Variants in TRAK1 observed in about 807,000 individuals in gnomAD.
TRAK1 encodes the protein trafficking kinesin protein 1.
Under a neutral mutation model 92.1 loss-of-function variants are expected in TRAK1, and 33 were observed. That is an observed-to-expected ratio of 0.36 (90% CI 0.27 to 0.48). TRAK1 has a LOEUF of 0.48. Among genes scored for constraint, TRAK1 ranks in the 20% least tolerant of loss-of-function variants. The probability of loss-of-function intolerance (pLI) is 0.99; values close to 1 mark genes in which losing one functional copy is unlikely to be tolerated. For synonymous variants in TRAK1, 521 were observed against 517.3 expected (o/e 1.01, Z -0.10); for missense variants, 1,123 against 1,257.9 (o/e 0.89, Z 1.62).
At chr3:42,091,356 C>A, upstream of TRAK1, 1 of 919,638 alleles carries the variant, frequency 1.1e-6, no homozygotes, top group Non-Finnish European at 1.7e-6. Context: ...CAAGCAAACT[C>A]AGAAAACTGC....
chr3:42,060,973 A>T (rs1311577996), intron 1 of TRAK1, among the ~76,000 whole-genome samples: 1 of 151,518 alleles, frequency 6.6e-6, no homozygotes, highest in Non-Finnish European at 1.5e-5. Flanking sequence ...TTTTTTGGGG[A>T]TCTCATCAGG....
At chr3:42,217,083 TTCTC>T (rs1178020508) in intron 14 of TRAK1, among the ~76,000 whole-genome samples, 21 of 151,102 alleles carry the variant, frequency 1.4e-4, no homozygotes, top group East Asian at 3.9e-4. Context: ...TGTTTTATGT[TTCTC>T]TCTCTCTCTC....
At chr3:42,144,570 G>C (rs1327128404) in intron 2 of TRAK1, among the ~76,000 whole-genome samples, 1 of 152,084 alleles carries the variant, frequency 6.6e-6, no homozygotes, top group Non-Finnish European at 1.5e-5. Context: ...AATGGGGTAG[G>C]AATAAAATGT....
At chr3:42,204,686 G>A (rs1198709707) in intron 13 of TRAK1, among the ~76,000 whole-genome samples, 15 of 152,126 alleles carry the variant, frequency 9.9e-5, no homozygotes. Context: ...CTGGGCTCAA[G>A]CAATCCTCCC....
intron 10 of TRAK1, among the ~76,000 whole-genome samples, chr3:42,196,838 G>A (rs1420900402): frequency 4.0e-5 from 6 of 151,534 alleles, no homozygotes; most frequent in Admixed American, 2.0e-4. Context: ...ATGAGCCGCC[G>A]CGCCTGGCCC....
In TRAK1 at chr3:42,016,329, C is replaced by T. The variant is rs144436316; in HGVS notation, c.-519+2212C>T. Among the ~76,000 whole-genome samples the T allele has an allele frequency of 4.9e-3, 752 of 152,212 alleles. 7 individuals carry two copies. Among genetic ancestry groups the T allele is most frequent in the African/African-American group, 0.017 (698 of 41,526 alleles). The stretch of plus-strand genomic sequence containing the variant: ...AAGTGATTCTTTGGCCTCAGCCTCC[C>T]GAGTAGCTGGGATTGCAGGCACCTG... On this transcript the variant is annotated intron_variant, in intron 1 of 16. Coordinates refer to the TRAK1 transcript ENST00000487159.
At chr3:42,170,845 A>G (rs1702451785) in intron 2 of TRAK1, among the ~76,000 whole-genome samples, 1 of 147,492 alleles carries the variant, frequency 6.8e-6, no homozygotes. Context: ...TTTTTTTGAG[A>G]CAGAGTCTTG....
intron 6 of TRAK1, 90 bp downstream of exon 6, chr3:42,189,214 C>T (rs1335346002): frequency 3.2e-6 from 3 of 949,236 alleles, no homozygotes. Context: ...TAAGTGCCCT[C>T]CTCAAAGCTG....
intron 1 of TRAK1, among the ~76,000 whole-genome samples, chr3:42,104,561 G>A (rs1348728800): frequency 1.3e-5 from 2 of 152,178 alleles, no homozygotes; most frequent in Admixed American, 6.5e-5. Context: ...TGCAGCCTCC[G>A]CTGGTGATAC....
At chr3:42,079,126 A>G (rs906522166) in intron 1 of TRAK1, among the ~76,000 whole-genome samples, 1 of 152,224 alleles carries the variant, frequency 6.6e-6, no homozygotes, top group African/African-American at 2.4e-5. Flanking sequence ...GATTTCCAAT[A>G]TATGGAACTG....
Position 42,103,660 on chromosome 3 carries a change from C to T in TRAK1, c.91+12100C>T, listed in dbSNP as rs183804124. Among the ~76,000 whole-genome samples the T allele has an allele frequency of 2.0e-3, 305 of 152,232 alleles. 1 individual carries two copies. Among genetic ancestry groups the T allele is most frequent in the Non-Finnish European group, 3.5e-3 (238 of 68,012 alleles). Reference sequence around the variant, plus strand: ...TCTGTGATCCCAGCACTTTGGGAGGCTGAAGTGGGAGGATCACTTGAGCTC... The same window carrying T: ...TCTGTGATCCCAGCACTTTGGGAGGTTGAAGTGGGAGGATCACTTGAGCTC... On this transcript the variant is annotated intron_variant, in intron 1 of 15. Transcript: ENST00000327628.
chr3:42,035,889 C>T (rs12106818), intron 1 of TRAK1, among the ~76,000 whole-genome samples: 61 of 152,314 alleles, frequency 4.0e-4, no homozygotes, highest in African/African-American at 1.4e-3. Flanking sequence ...GAACTCTGCC[C>T]ACCCCCAAAC....
chr3:42,134,815 G>A (rs1457101560), intron 2 of TRAK1, among the ~76,000 whole-genome samples: 2 of 151,590 alleles, frequency 1.3e-5, no homozygotes, highest in Non-Finnish European at 2.9e-5. Context: ...TCCTGACCTC[G>A]TGATCCACCC....
At chr3:42,185,719 T>C (rs894547300) in intron 4 of TRAK1, among the ~76,000 whole-genome samples, 1 of 149,218 alleles carries the variant, frequency 6.7e-6, no homozygotes, top group African/African-American at 2.5e-5. Context: ...TCATTCAGGC[T>C]GGAGTGCAGT....
intron 1 of TRAK1, among the ~76,000 whole-genome samples, chr3:42,053,375 T>TGGGGGGGGGGGGG (rs760432112): frequency 1.2e-4 from 6 of 50,668 alleles, no homozygotes; most frequent in Non-Finnish European, 1.4e-4. Context: ...CAGAGTCGGG[T>TGGGGGGGGGGGGG]GGGGGGGGGG....
intron 6 of TRAK1, 70 bp downstream of exon 6, chr3:42,189,194 C>A: frequency 8.2e-7 from 1 of 1,215,118 alleles, no homozygotes; most frequent in Non-Finnish European, 1.2e-6. Context: ...CTGGCAAGGA[C>A]AACCATGGTT....
chr3:42,201,925 CACA>C, intron 12 of TRAK1, among the ~76,000 whole-genome samples: 1 of 150,966 alleles, frequency 6.6e-6, no homozygotes, highest in African/African-American at 2.4e-5. Context: ...CACACACACA[CACA>C]CACCATTGTC....
chr3:42,079,477 C>CTTTTTTTTTTTT, intron 1 of TRAK1, among the ~76,000 whole-genome samples: 1 of 136,250 alleles, frequency 7.3e-6, no homozygotes, highest in Non-Finnish European at 1.6e-5. Context: ...GCTCCTTCTT[C>CTTTTTTTTTTTT]TTTTTTTTTT....
intron 1 of TRAK1, among the ~76,000 whole-genome samples, chr3:42,049,784 G>A (rs536196870): frequency 2.1e-4 from 32 of 152,112 alleles, no homozygotes; most frequent in Non-Finnish European, 3.5e-4. Context: ...TGGAATGAGT[G>A]TCCTAGTCTT....
Sources: allele counts gnomAD v4.1 joint callset (sites outside exome capture counted in the v4.1 genomes callset), GRCh38; gene constraint gnomAD v4.1.1; transcripts MANE v1.5; gene names NCBI Gene and HGNC (gene_info 2026-07-23, HGNC 2026-07-21).